The following LMF1 variants were observed in gnomAD, a reference collection of about 807,000 sequenced individuals.
LMF1 encodes transmembrane protein 112.
A neutral mutation model predicts 60.6 loss-of-function variants in LMF1; 68 were observed. The ratio of observed to expected loss-of-function variants is 1.12; its 90% CI spans 0.92 to 1.37. LMF1 has a LOEUF of 1.37. LMF1 is among the 40% of genes most tolerant of loss of function. The pLI is 0.00. For missense variants in LMF1, 948 were observed against 767.2 expected, an observed-to-expected ratio of 1.24 and a Z score of -2.78; for synonymous variants, 418 against 324.7, an observed-to-expected ratio of 1.29 and a Z score of -3.09.
intron 1 of LMF1, among the ~76,000 whole-genome samples, chr16:958,029 C>A (rs2072744426): frequency 6.6e-6 from 1 of 152,192 alleles, no homozygotes; most frequent in African/African-American, 2.4e-5. Context: ...CATGTTGGAA[C>A]AGATGGATGT....
chr16:906,562 C>T (rs888026486), intron 4 of LMF1, among the ~76,000 whole-genome samples: 2 of 152,110 alleles, frequency 1.3e-5, no homozygotes, highest in Non-Finnish European at 1.5e-5. Flanking sequence ...CCTTGCTCCT[C>T]AGCTTGCGGG....
chr16:943,363 T>C (rs1597043480), intron 2 of LMF1, among the ~76,000 whole-genome samples: 1 of 105,640 alleles, frequency 9.5e-6, no homozygotes, highest in Non-Finnish European at 1.8e-5. Context: ...AGAGCGAGAC[T>C]CCATCTCAAA....
intron 2 of LMF1, among the ~76,000 whole-genome samples, chr16:934,735 G>C (rs2071890994): frequency 1.3e-5 from 2 of 152,250 alleles, no homozygotes; most frequent in South Asian, 4.1e-4. Context: ...CAGTGATGCT[G>C]TGACCCGCTT....
At chr16:855,603 G>C (rs183499504) in intron 10 of LMF1, 3 of 425,036 alleles carry the variant, frequency 7.1e-6, no homozygotes, top group Non-Finnish European at 1.4e-5. Flanking sequence ...AGGCCCCTTC[G>C]CAGTTGTGCA....
At chr16:917,651 T>C (rs1483148925) in intron 3 of LMF1, among the ~76,000 whole-genome samples, 1 of 152,156 alleles carries the variant, frequency 6.6e-6, no homozygotes, top group Non-Finnish European at 1.5e-5. Context: ...AGGGCTGCCC[T>C]CCCCTAAGAG....
In LMF1 at chr16:874,972, A is replaced by AG. The variant is rs1275149148; in HGVS notation, c.898-3632dup. Among the ~76,000 whole-genome samples, 1 of 152,140 alleles carries AG rather than the reference A, an allele frequency of 6.6e-6. No individual in the cohort carries two copies. Among genetic ancestry groups the AG allele is most frequent in the Admixed American group, 6.5e-5 (1 of 15,280 alleles). Reference sequence around the variant, plus strand: ...AGTTCAAGACCCCACACTGCCTGTGAGGGGGCAGGATACATCGCAGCCGGG... The same window carrying AG: ...AGTTCAAGACCCCACACTGCCTGTGAGGGGGGCAGGATACATCGCAGCCGGG... On this transcript the variant is annotated intron_variant, in intron 6 of 10. Coordinates refer to ENST00000262301, the MANE Select transcript of LMF1 (RefSeq NM_022773.4). The surrounding 1 kb of genome is among the most constrained non-coding windows in gnomAD (Gnocchi z 4.1).
chr16:945,827 C>T (rs1046153374), intron 2 of LMF1, among the ~76,000 whole-genome samples: 1 of 152,164 alleles, frequency 6.6e-6, no homozygotes, highest in Non-Finnish European at 1.5e-5. Flanking sequence ...AAGTAAGTCA[C>T]GGTTCATACA....
intron 1 of LMF1, among the ~76,000 whole-genome samples, chr16:958,829 G>A (rs2072761584): frequency 1.3e-5 from 2 of 152,138 alleles, no homozygotes; most frequent in African/African-American, 4.8e-5. Flanking sequence ...GGAGGTTGGA[G>A]TGAGCCGACA....
intron 1 of LMF1, among the ~76,000 whole-genome samples, chr16:955,444 TGCCTGCAGCAGACGCGGTGTGTGCATAC>T: frequency 2.1e-5 from 3 of 143,284 alleles, no homozygotes; most frequent in African/African-American, 7.9e-5. Flanking sequence ...ATAAAATGCG[TGCCTGCAGCAGACGCGGTGTGTGCATAC>T]ACACACACAC....
chr16:930,643 G>A (rs1266690608), intron 3 of LMF1, among the ~76,000 whole-genome samples: 3 of 152,250 alleles, frequency 2.0e-5, no homozygotes, highest in African/African-American at 4.8e-5. Context: ...CGGACTTCCC[G>A]GCCAGCGGCC....
upstream of LMF1, among the ~76,000 whole-genome samples, chr16:973,856 C>A (rs1002522968): frequency 6.6e-6 from 1 of 151,712 alleles, no homozygotes; most frequent in African/African-American, 2.4e-5. Context: ...ACAACAACAA[C>A]AAAATTAGCC....
chr16:966,337 G>A (rs1049465048), intron 1 of LMF1, among the ~76,000 whole-genome samples: 10 of 152,214 alleles, frequency 6.6e-5, no homozygotes, highest in Non-Finnish European at 1.2e-4. Context: ...CTGTGCAGGC[G>A]CCGAGCAGCC....
intron 3 of LMF1, among the ~76,000 whole-genome samples, chr16:932,897 G>T (rs887024434): frequency 6.6e-6 from 1 of 151,100 alleles, no homozygotes; most frequent in South Asian, 2.1e-4. Context: ...TCCCACACGC[G>T]TGAGCACTCT....
intron 6 of LMF1, 111 bp downstream of exon 6, chr16:879,458 GA>G: frequency 7.8e-7 from 1 of 1,278,760 alleles, no homozygotes. Context: ...CTGTCCCCAA[GA>G]AAGGGGGCCT....
chr16:926,377 ATT>A (rs1368528100), intron 3 of LMF1, among the ~76,000 whole-genome samples: 1 of 151,888 alleles, frequency 6.6e-6, no homozygotes, highest in African/African-American at 2.4e-5. Flanking sequence ...TATGATCTGC[ATT>A]GTGTCATGTG....
chr16:949,714 AACGACAGAGTCAGAG>A lies in LMF1; in HGVS notation c.503+4628_503+4642del, dbSNP rs1358024671. Among the ~76,000 whole-genome samples the A allele has an allele frequency of 1.6e-4, 17 of 106,052 alleles. 1 individual carries two copies. Among genetic ancestry groups the A allele is most frequent in the South Asian group, 4.0e-4 (1 of 2,506 alleles). 69.6% of individuals were successfully genotyped at this position (106,052 alleles called of 152,430 possible). ...CAGAGACAACGACAGAGTCAGAGAC[AACGACAGAGTCAGAG>A]ACGACAGAGTCAGAGACGACAGAGT... On this transcript the variant is annotated intron_variant, in intron 2 of 10. Coordinates refer to ENST00000262301, the MANE Select transcript of LMF1 (RefSeq NM_022773.4).
chr16:940,449 C>A (rs1421444069), intron 2 of LMF1, among the ~76,000 whole-genome samples: 2 of 152,154 alleles, frequency 1.3e-5, no homozygotes, highest in East Asian at 3.9e-4. Context: ...GGAGGGTCCT[C>A]CCCGCAGGCA....
At position 870,803 on chromosome 16, in the gene LMF1, C is replaced by T; in HGVS notation, c.1158G>A (p.Leu386=). 6.2e-7 allele frequency: 1 copy of T among 1,612,802 alleles called. No individual in the cohort carries two copies. Among genetic ancestry groups the T allele is most frequent in the Non-Finnish European group, 8.5e-7 (1 of 1,179,740 alleles). The change falls in exon 8 of 11, where the codon TTG becomes TTA. Residue 386 remains leucine, a synonymous_variant. Coordinates refer to ENST00000262301, the MANE Select transcript of LMF1 (RefSeq NM_022773.4). ...TGTTCATGACCTGCCTGGAGCTCAG[C>T]AAGTTGAGGACCACGGGCACGCTGA... The part of the protein sequence containing the change: ...AWLSVPVVLN[L]LSSRQVMNTH...
At position 853,871 on chromosome 16, in the gene LMF1, C is replaced by CT. The variant is rs1446101869; in HGVS notation, c.*660_*661insA. Reference sequence around the variant, plus strand: ...TGTGTCCATCTGCACCTCACAGACACCAGTCATGGGGGGATGAAACCGGGC... The same window carrying CT: ...TGTGTCCATCTGCACCTCACAGACACTCAGTCATGGGGGGATGAAACCGGGC... On this transcript the variant is annotated 3_prime_UTR_variant, in exon 11 of 11. Coordinates refer to ENST00000262301, the MANE Select transcript of LMF1 (RefSeq NM_022773.4). 3 of 454,092 alleles carry CT rather than the reference C, an allele frequency of 6.6e-6. No individual in the cohort carries two copies. Among genetic ancestry groups the CT allele is most frequent in the South Asian group, 4.7e-5 (3 of 64,480 alleles). The allele number at this position is 454,092 out of a possible 1,614,324, so 28.1% of individuals were successfully genotyped here.
Sources: allele counts gnomAD v4.1 joint callset (sites outside exome capture counted in the v4.1 genomes callset), GRCh38; gene constraint gnomAD v4.1.1; non-coding constraint Gnocchi (gnomAD v3.1); transcripts MANE v1.5; gene names NCBI Gene and HGNC (gene_info 2026-07-23, HGNC 2026-07-21).